The following PPP2R5C variants were observed in gnomAD, a reference collection of about 807,000 sequenced individuals.
PPP2R5C encodes the protein serine/threonine-protein phosphatase 2A 56 kDa regulatory subunit gamma isoform.
Under a neutral mutation model 68.9 loss-of-function variants are expected in PPP2R5C, and 7 were observed. The observed-to-expected ratio is 0.10, with a 90% CI of 0.06 to 0.19. The LOEUF (loss-of-function observed/expected upper bound fraction) is 0.19, where lower values mean the gene tolerates loss of function less well. PPP2R5C is among the 10% of genes least tolerant of loss of function. The pLI, the probability that PPP2R5C is intolerant of heterozygous loss-of-function variation, is 1.00. For synonymous variants in PPP2R5C, 210 were observed against 222.2 expected, an observed-to-expected ratio of 0.95 and a Z score of 0.49; for missense variants, 348 against 641.3, an observed-to-expected ratio of 0.54 and a Z score of 4.94.
intron 2 of PPP2R5C, among the ~76,000 whole-genome samples, chr14:101,867,414 A>G (rs931921089): frequency 1.3e-5 from 2 of 151,936 alleles, no homozygotes; most frequent in African/African-American, 4.8e-5. Context: ...GCCTCAAAAA[A>G]AAAAATTAAT....
Position 101,882,303 on chromosome 14 carries a change from C to T in PPP2R5C, c.405+32C>T, listed in dbSNP as rs368277358. The T allele has an allele frequency of 1.9e-5, 29 of 1,517,126 alleles. No homozygotes were observed. The African/African-American group carries it at 2.6e-4, about 14-fold the overall frequency. The allele number at this position is 1,517,126 out of a possible 1,614,324, so 94.0% of individuals were successfully genotyped here. A position where few individuals can be genotyped will look rare whatever the true frequency, so the allele number is the denominator to read the frequency against. On this transcript the variant is annotated intron_variant, in intron 3 of 13. Transcript: ENST00000334743. The surrounding 1 kb of genome is among the most constrained non-coding windows in gnomAD (Gnocchi z 4.9). ...GGCTCTGGGTGATAGACTCGGAGGG[C>T]ACTGGTGACACATGGGAATGGCCTG... is the stretch of plus-strand genomic sequence containing the variant.
intron 1 of PPP2R5C, among the ~76,000 whole-genome samples, chr14:101,852,223 AC>A (rs1372641997): frequency 6.6e-6 from 1 of 151,952 alleles, no homozygotes; most frequent in Non-Finnish European, 1.5e-5. Flanking sequence ...ATCTTGAGTA[AC>A]CCCCAGGCTC....
chr14:101,806,542 C>G (rs1047383038), upstream of PPP2R5C, among the ~76,000 whole-genome samples: 2 of 152,094 alleles, frequency 1.3e-5, no homozygotes, highest in Admixed American at 6.5e-5. Flanking sequence ...CAAGTCTTTG[C>G]TATTGTAAAT....
chr14:101,824,675 C>G (rs2040285956), intron 1 of PPP2R5C, among the ~76,000 whole-genome samples: 1 of 152,234 alleles, frequency 6.6e-6, no homozygotes, highest in Non-Finnish European at 1.5e-5. Context: ...CCACCTAAAG[C>G]TGTATTTCAC....
chr14:101,780,215 A>G (rs2037609038), intron 2 of PPP2R5C, among the ~76,000 whole-genome samples: 1 of 152,180 alleles, frequency 6.6e-6, no homozygotes, highest in East Asian at 1.9e-4. Context: ...AGGAGTAAGC[A>G]TTAAATCTCC....
intron 2 of PPP2R5C, among the ~76,000 whole-genome samples, chr14:101,866,230 C>T (rs945207171): frequency 6.6e-6 from 1 of 152,156 alleles, no homozygotes; most frequent in African/African-American, 2.4e-5. Flanking sequence ...TGCTGTGGAA[C>T]TACTTCATAG....
intron 3 of PPP2R5C, among the ~76,000 whole-genome samples, chr14:101,804,703 G>A (rs2039006618): frequency 6.6e-6 from 1 of 152,146 alleles, no homozygotes; most frequent in Admixed American, 6.5e-5. Flanking sequence ...GTAGAAGAAT[G>A]GTTACCAGAG....
rs1368457339 is a variant in PPP2R5C, at chr14:101,917,931, A to T, written c.1427A>T (p.Lys476Met). The stretch of plus-strand genomic sequence containing the variant: ...GTGCAGATGCTGAGAAAGACAGTGA[A>T]GGACGAGGCTCATCAGGTAAAAGTG... The change falls in exon 13 of 14, where the codon AAG becomes ATG. Residue 476 changes from lysine to methionine, a missense_variant. Physicochemically the swap from Lys to Met is moderately conservative, Grantham distance 95. This residue lies in a region of PPP2R5C where 118 missense variants were observed against 108.9 expected (regional missense o/e 1.08). Coordinates refer to ENST00000334743, the Ensembl canonical transcript of PPP2R5C. This position sits in a 1 kb window ranked among gnomAD's most constrained non-coding sequence, Gnocchi z 4.4. 1 of 1,613,776 alleles carries T rather than the reference A, an allele frequency of 6.2e-7. No homozygotes were observed. Among genetic ancestry groups the T allele is most frequent in the Non-Finnish European group, 8.5e-7 (1 of 1,179,860 alleles).
chr14:101,804,574 TGGAA>T (rs1468243121), intron 3 of PPP2R5C, among the ~76,000 whole-genome samples: 1 of 152,170 alleles, frequency 6.6e-6, no homozygotes, highest in African/African-American at 2.4e-5. Context: ...GCAACATGGA[TGGAA>T]CTGGAGATCT....
intron 5 of PPP2R5C, among the ~76,000 whole-genome samples, chr14:101,886,641 C>G (rs1039033470): frequency 5.9e-5 from 9 of 152,126 alleles, no homozygotes; most frequent in Non-Finnish European, 1.3e-4. Flanking sequence ...ATACCACTAC[C>G]TCCTCATTTC....
Position 101,880,719 on chromosome 14 carries a change from C to T in PPP2R5C, c.295-1442C>T, listed in dbSNP as rs1377977187. 2.0e-5 allele frequency among the ~76,000 whole-genome samples: 3 copies of T among 152,038 alleles called. No individual in the cohort carries two copies. In the East Asian group the frequency reaches 5.8e-4, roughly 29 times the overall value. The stretch of plus-strand genomic sequence containing the variant: ...GGCTGGGGCAGGAGGATCGTGTGAA[C>T]CCAGGAGTTGGAGGCTGCAGTGAGC... On this transcript the variant is annotated intron_variant, in intron 2 of 13. Transcript: ENST00000334743.
intron 1 of PPP2R5C, among the ~76,000 whole-genome samples, chr14:101,832,123 A>G (rs893268374): frequency 1.3e-5 from 2 of 152,154 alleles, no homozygotes; most frequent in Admixed American, 1.3e-4. Context: ...AGGTAAAGTG[A>G]TTTTCTTGCT....
chr14:101,813,110 C>T (rs1029067234), intron 1 of PPP2R5C, among the ~76,000 whole-genome samples: 2 of 152,200 alleles, frequency 1.3e-5, no homozygotes, highest in African/African-American at 4.8e-5. Flanking sequence ...CTGTGCTGTC[C>T]TCTGCAGCAG....
Position 101,830,466 on chromosome 14 carries a change from C to T in PPP2R5C, c.94+20430C>T, listed in dbSNP as rs558256074. On this transcript the variant is annotated intron_variant, in intron 1 of 13. Coordinates refer to ENST00000334743, the Ensembl canonical transcript of PPP2R5C. Reference sequence around the variant, plus strand: ...GGCTGAGGACAGCCAAGTGTTGGCCCAAATCAGCATAAATCAGAGCAACAG... The same window carrying T: ...GGCTGAGGACAGCCAAGTGTTGGCCTAAATCAGCATAAATCAGAGCAACAG... Among the ~76,000 whole-genome samples, 59 of 152,294 alleles carry T rather than the reference C, an allele frequency of 3.9e-4. 1 individual carries two copies. The highest frequency in any genetic ancestry group is 1.3e-3 in the African/African-American group (53 of 41,554).
In PPP2R5C at chr14:101,825,211, C is replaced by CGTGTGTGTGTGTGTGT. The variant is rs10588262; in HGVS notation, c.94+15198_94+15213dup. 9.1e-5 allele frequency among the ~76,000 whole-genome samples: 13 copies of CGTGTGTGTGTGTGTGT among 143,110 alleles called. No homozygotes were observed. Among genetic ancestry groups the CGTGTGTGTGTGTGTGT allele is most frequent in the African/African-American group, 2.3e-4 (9 of 38,554 alleles). The allele number at this position is 143,110 out of a possible 152,430, so 93.9% of individuals were successfully genotyped here. A position where few individuals can be genotyped will look rare whatever the true frequency, so the allele number is the denominator to read the frequency against. On this transcript the variant is annotated intron_variant, in intron 1 of 13. Transcript: ENST00000334743. This position sits in a 1 kb window ranked among gnomAD's most constrained non-coding sequence, Gnocchi z 4.0. ...AGGGATAGGATAAGAGGGTTTTCAG[C>CGTGTGTGTGTGTGTGT]GTGTGTGTGTGTGTGTGTGTGTGTG...
intron 1 of PPP2R5C, among the ~76,000 whole-genome samples, chr14:101,838,621 C>T (rs2041266510): frequency 6.6e-6 from 1 of 152,238 alleles, no homozygotes; most frequent in Non-Finnish European, 1.5e-5. Context: ...CTGTGAAAAG[C>T]AAAGCACTGT....
At chr14:101,907,234 G>A (rs1427027996) in intron 10 of PPP2R5C, among the ~76,000 whole-genome samples, 3 of 151,982 alleles carry the variant, frequency 2.0e-5, no homozygotes, top group Non-Finnish European at 4.4e-5. Flanking sequence ...GTAGTGTCAC[G>A]ATCATGGCTC....
At chr14:101,897,219 A>C (rs2045388668) in intron 8 of PPP2R5C, among the ~76,000 whole-genome samples, 1 of 152,166 alleles carries the variant, frequency 6.6e-6, no homozygotes, top group African/African-American at 2.4e-5. Context: ...TAGGGTGAGG[A>C]GGTGTTATTT....
chr14:101,907,078 C>G (rs1157830139), intron 10 of PPP2R5C, among the ~76,000 whole-genome samples: 1 of 152,196 alleles, frequency 6.6e-6, no homozygotes, highest in Non-Finnish European at 1.5e-5. Flanking sequence ...ATGAATAAAT[C>G]CGTTTACTGA....
Sources: allele counts gnomAD v4.1 joint callset (sites outside exome capture counted in the v4.1 genomes callset), GRCh38; gene constraint gnomAD v4.1.1; regional missense constraint gnomAD v4.1.1; non-coding constraint Gnocchi (gnomAD v3.1); transcripts MANE v1.5; gene names NCBI Gene and HGNC (gene_info 2026-07-23, HGNC 2026-07-21).